Variants in SLC35F4 observed in about 807,000 individuals in gnomAD.
The protein encoded by SLC35F4 is chromosome 14 open reading frame 36.
SLC35F4 carries 24 observed loss-of-function variants against 44.2 expected under a neutral mutation model. That is an observed-to-expected ratio of 0.54 (90% CI 0.39 to 0.76). The LOEUF (loss-of-function observed/expected upper bound fraction) is 0.76. Among genes scored for constraint, SLC35F4 ranks in the 30% least tolerant of loss-of-function variants. The pLI is 0.00. For synonymous variants in SLC35F4, 238 were observed against 223.6 expected (o/e 1.06, Z -0.57); for missense variants, 562 against 586.1 (o/e 0.96, Z 0.42).
rs561203745 is a variant in SLC35F4, at chr14:57,620,719, GT to G, written c.104-26596del. 1.8e-3 allele frequency among the ~76,000 whole-genome samples: 270 copies of G among 152,256 alleles called. 3 individuals carry two copies. The highest frequency in any genetic ancestry group is 6.3e-3 in the African/African-American group (262 of 41,564). On this transcript the variant is annotated intron_variant, in intron 1 of 7. Coordinates refer to ENST00000556826, the MANE Select transcript of SLC35F4 (RefSeq NM_001306087.2). ...CCCATCAATACCTAATTTATTGAGA[GT>G]TTTTAGCATGAAGGGTTGTTGAATT...
In SLC35F4 at chr14:57,666,211, C is replaced by T. The variant is rs144729047; in HGVS notation, c.104-72087G>A. On this transcript the variant is annotated intron_variant, in intron 1 of 7. Coordinates refer to ENST00000556826, the MANE Select transcript of SLC35F4 (RefSeq NM_001306087.2). ...CCAACAGGGTAAACAATTTCCTCAG[C>T]ATCACAGAATCTGTACGCATGTGTG... Among the ~76,000 whole-genome samples the T allele has an allele frequency of 7.0e-4, 107 of 152,310 alleles. 3 individuals are homozygous for T. In the East Asian group the frequency reaches 0.02, roughly 29 times the overall value.
intron 1 of SLC35F4, among the ~76,000 whole-genome samples, chr14:57,884,086 C>A (rs1595267207): frequency 2.6e-5 from 4 of 152,266 alleles, no homozygotes; most frequent in African/African-American, 9.6e-5. Context: ...CCATATTGTA[C>A]TAAATTTTCT....
intron 1 of SLC35F4, chr14:57,630,930 G>A (rs2072739831): frequency 5.2e-6 from 4 of 767,526 alleles, no homozygotes; most frequent in Non-Finnish European, 6.3e-6. Context: ...TTTTTGTAAA[G>A]ATTCTCATTT....
intron 1 of SLC35F4, among the ~76,000 whole-genome samples, chr14:57,887,944 C>T (rs1888685896): frequency 6.6e-6 from 1 of 152,276 alleles, no homozygotes; most frequent in Admixed American, 6.5e-5. Context: ...CAGGAAACTA[C>T]AGCAAGCATC....
intron 1 of SLC35F4, among the ~76,000 whole-genome samples, chr14:57,948,908 T>C (rs1346873727): frequency 1.3e-5 from 2 of 152,184 alleles, no homozygotes; most frequent in African/African-American, 2.4e-5. Flanking sequence ...ATACTCGATA[T>C]GATTTCAATT....
chr14:57,705,230 C>A (rs1399982154), intron 1 of SLC35F4, among the ~76,000 whole-genome samples: 1 of 151,762 alleles, frequency 6.6e-6, no homozygotes, highest in Non-Finnish European at 1.5e-5. Flanking sequence ...AAACCTACTG[C>A]AAATGGAATC....
intron 1 of SLC35F4, among the ~76,000 whole-genome samples, chr14:57,651,746 T>G (rs1412675376): frequency 6.6e-6 from 1 of 152,106 alleles, no homozygotes; most frequent in East Asian, 1.9e-4. Context: ...AGAGCTCTGT[T>G]TACCTACAGT....
chr14:57,828,785 T>C (rs1378245759), intron 1 of SLC35F4, among the ~76,000 whole-genome samples: 2 of 152,142 alleles, frequency 1.3e-5, no homozygotes, highest in African/African-American at 2.4e-5. Context: ...AGGTCTGCCA[T>C]GGGGTGAAGG....
chr14:57,739,043 G>T (rs1041864169), intron 1 of SLC35F4, among the ~76,000 whole-genome samples: 1 of 151,766 alleles, frequency 6.6e-6, no homozygotes, highest in Non-Finnish European at 1.5e-5. Context: ...GCCAGGCTTT[G>T]TGTGTGTGTG....
chr14:57,947,337 C>T (rs1091168), intron 1 of SLC35F4, among the ~76,000 whole-genome samples: 75,935 of 150,676 alleles, frequency 0.5, 20,379 homozygotes, highest in East Asian at 0.79. Context: ...AGGTTGGTCA[C>T]TGTTAGTGTA....
At chr14:57,596,581 T>C (rs144164409) in intron 1 of SLC35F4, 220 of 396,128 alleles carry the variant, frequency 5.6e-4, no homozygotes, top group African/African-American at 4.2e-3. Flanking sequence ...TTTCCCAATA[T>C]TCCATTTCCA....
At chr14:57,963,961 A>T (rs1329385439) in intron 1 of SLC35F4, among the ~76,000 whole-genome samples, 2 of 151,886 alleles carry the variant, frequency 1.3e-5, no homozygotes, top group Non-Finnish European at 2.9e-5. Flanking sequence ...GGGCTCAAGC[A>T]ATCTCCCACC....
intron 1 of SLC35F4, among the ~76,000 whole-genome samples, chr14:57,618,132 T>C (rs574868367): frequency 4.6e-5 from 7 of 152,316 alleles, no homozygotes; most frequent in African/African-American, 1.4e-4. Context: ...GGATGTATTA[T>C]TAGTATATGA....
chr14:57,629,308 A>T (rs929302932), intron 1 of SLC35F4, among the ~76,000 whole-genome samples: 2 of 152,146 alleles, frequency 1.3e-5, no homozygotes, highest in Admixed American at 6.6e-5. Flanking sequence ...AATTTTTTTT[A>T]AAAAATCAAT....
Position 57,566,535 on chromosome 14 carries a change from C to A in SLC35F4, c.1156G>T (p.Val386Leu). The A allele has an allele frequency of 6.2e-7, 1 of 1,602,338 alleles. No individual in the cohort carries two copies. The highest frequency in any genetic ancestry group is 1.7e-5 in the Admixed American group (1 of 58,538). The stretch of plus-strand genomic sequence containing the variant: ...GAGATTAGGATTGGGTATGTCAGCA[C>A]CACCCCAACATTCACCAGGATGTTG... ...AFNILVNVGV[V>L]LTYPILISIG... Residue 386 changes from valine to leucine, a missense_variant, in exon 7 of 8, where the codon GTG (valine) becomes TTG (leucine). Val to Leu is a conservative substitution (Grantham distance 32). Coordinates refer to ENST00000556826, the MANE Select transcript of SLC35F4 (RefSeq NM_001306087.2).
At chr14:57,803,975 C>T (rs193080088) in intron 1 of SLC35F4, among the ~76,000 whole-genome samples, 10 of 152,152 alleles carry the variant, frequency 6.6e-5, no homozygotes, top group African/African-American at 2.4e-4. Context: ...TGTACACCAA[C>T]AACAAGCAAG....
upstream of SLC35F4, among the ~76,000 whole-genome samples, chr14:57,868,632 C>G (rs527823693): frequency 6.6e-6 from 1 of 152,024 alleles, no homozygotes; most frequent in Non-Finnish European, 1.5e-5. Flanking sequence ...CCCGACACCA[C>G]GCCCAGCTAA....
chr14:57,840,361 T>G (rs774344615), intron 1 of SLC35F4, among the ~76,000 whole-genome samples: 2 of 152,222 alleles, frequency 1.3e-5, no homozygotes, highest in Non-Finnish European at 2.9e-5. Context: ...AATGGCATAT[T>G]GACTTGAGCT....
intron 1 of SLC35F4, among the ~76,000 whole-genome samples, chr14:57,659,052 C>T (rs2140229761): frequency 6.6e-6 from 1 of 152,224 alleles, no homozygotes; most frequent in African/African-American, 2.4e-5. Context: ...CTAGGGAAGC[C>T]AAGACACTAT....
Sources: gnomAD v4.1 joint callset for allele counts (sites outside exome capture counted in the v4.1 genomes callset) on GRCh38, gnomAD v4.1.1 for gene constraint, MANE v1.5 for transcripts, NCBI Gene and HGNC (gene_info 2026-07-23, HGNC 2026-07-21) for gene names.